The following ZNF536 variants were observed in gnomAD, a reference collection of about 807,000 sequenced individuals.
The protein encoded by ZNF536 is zinc finger protein 536.
ZNF536 carries 13 observed loss-of-function variants against 84.5 expected under a neutral mutation model. The observed-to-expected ratio is 0.15, with a 90% CI of 0.10 to 0.24. The LOEUF is 0.24. Among genes scored for constraint, ZNF536 ranks in the 10% least tolerant of loss-of-function variants. The probability of loss-of-function intolerance (pLI) is 1.00; values close to 1 mark genes in which losing one functional copy is unlikely to be tolerated. For synonymous variants in ZNF536, 811 were observed against 742.5 expected (o/e 1.09, Z -1.50); for missense variants, 1,536 against 1,747.5 (o/e 0.88, Z 2.16).
At position 30,443,586 on chromosome 19, in the gene ZNF536, T is replaced by C. The variant is rs780203865; in HGVS notation, c.24T>C (p.Leu8=). The C allele has an allele frequency of 3.2e-6, 5 of 1,570,676 alleles. No homozygotes were observed. The East Asian group carries it at 6.7e-5, about 21-fold the overall frequency. Residue 8 remains leucine (L), a synonymous_variant, in exon 2 of 5, where the codon CTT becomes CTC. Transcript: ENST00000355537. MEEASLC[L]GVSSAEPEAE... ...GGATGGAAGAAGCGAGCCTGTGCCT[T>C]GGAGTGTCTTCGGCGGAGCCGGAAG...
chr19:30,689,017 C>T (rs2098250927), intron 1 of ZNF536, among the ~76,000 whole-genome samples: 1 of 152,242 alleles, frequency 6.6e-6, no homozygotes, highest in Non-Finnish European at 1.5e-5. Flanking sequence ...CTCTGCTCCA[C>T]ATTCTGTGCT....
chr19:30,385,770 C>T (rs553463155), intron 1 of ZNF536, among the ~76,000 whole-genome samples: 49 of 152,290 alleles, frequency 3.2e-4, no homozygotes, highest in Admixed American at 9.8e-4. Flanking sequence ...GGTGCAACTC[C>T]GCCTCCATCA....
At chr19:30,683,127 T>G (rs2051040432) in intron 1 of ZNF536, among the ~76,000 whole-genome samples, 1 of 152,112 alleles carries the variant, frequency 6.6e-6, no homozygotes, top group Non-Finnish European at 1.5e-5. Flanking sequence ...GCGCCGTGCC[T>G]CCGGCTGCCC....
intron 2 of ZNF536, among the ~76,000 whole-genome samples, chr19:30,503,839 G>A (rs1364248691): frequency 6.6e-6 from 1 of 151,630 alleles, no homozygotes; most frequent in Non-Finnish European, 1.5e-5. Flanking sequence ...TGGGTAGTGG[G>A]ATTTTGGGTA....
intron 1 of ZNF536, among the ~76,000 whole-genome samples, chr19:30,440,415 G>T (rs2051982380): frequency 6.6e-6 from 1 of 152,148 alleles, no homozygotes; most frequent in African/African-American, 2.4e-5. Context: ...CTCTGGACTT[G>T]TGCAAAGGCC....
At chr19:30,332,705 A>C (rs961627501) in intron 2 of ZNF536, among the ~76,000 whole-genome samples, 6 of 152,162 alleles carry the variant, frequency 3.9e-5, no homozygotes, top group Non-Finnish European at 8.8e-5. Flanking sequence ...CTTAAAGCCT[A>C]TGTGGGAAAG....
intron 1 of ZNF536, among the ~76,000 whole-genome samples, chr19:30,433,330 C>T (rs972625223): frequency 4.6e-5 from 7 of 152,212 alleles, no homozygotes; most frequent in African/African-American, 1.7e-4. Context: ...CATCTTCCCC[C>T]CACTTCCCCA....
chr19:30,684,836 C>T (rs1382396630), intron 1 of ZNF536, among the ~76,000 whole-genome samples: 12 of 152,166 alleles, frequency 7.9e-5, no homozygotes, highest in African/African-American at 2.9e-4. Context: ...TGATCCCGGG[C>T]TGAACAGCCA....
chr19:30,490,275 C>T (rs1214847815), intron 2 of ZNF536, among the ~76,000 whole-genome samples: 5 of 152,104 alleles, frequency 3.3e-5, no homozygotes, highest in Non-Finnish European at 7.3e-5. Flanking sequence ...TGAGATGACT[C>T]CCTGTGGCTA....
intron 1 of ZNF536, among the ~76,000 whole-genome samples, chr19:30,435,518 T>C (rs1278550756): frequency 6.6e-6 from 1 of 151,560 alleles, no homozygotes; most frequent in Non-Finnish European, 1.5e-5. Context: ...ATCATTATGG[T>C]GATGATGATG....
intron 1 of ZNF536, among the ~76,000 whole-genome samples, chr19:30,620,814 G>T (rs1489585924): frequency 6.6e-6 from 1 of 152,034 alleles, no homozygotes; most frequent in African/African-American, 2.4e-5. Context: ...CTGTGTCCAT[G>T]CAGAACTTTA....
intron 1 of ZNF536, among the ~76,000 whole-genome samples, chr19:30,379,710 G>A (rs1293871378): frequency 6.6e-6 from 1 of 151,756 alleles, no homozygotes; most frequent in Non-Finnish European, 1.5e-5. Context: ...GGTGCAGGGT[G>A]GATGAAGGGA....
chr19:30,436,341 C>T (rs1206790947), intron 1 of ZNF536: 13 of 196,070 alleles, frequency 6.6e-5, no homozygotes, highest in African/African-American at 3.1e-4. Flanking sequence ...GAACAGGTCA[C>T]CCGCGCTGCC....
intron 1 of ZNF536, among the ~76,000 whole-genome samples, chr19:30,640,373 G>A (rs2049226636): frequency 1.3e-5 from 2 of 152,110 alleles, no homozygotes; most frequent in African/African-American, 2.4e-5. Flanking sequence ...ATAGCCAGAA[G>A]TAGAAGTAAA....
In ZNF536 at chr19:30,391,898, A is replaced by C. The variant is rs190459706; in HGVS notation, c.-3+19342A>C. ...ACCTTAAACCTTGTAATTGTGCCCC[A>C]GGACAAATCAGTACTAATTTAGCTA... is the stretch of plus-strand genomic sequence containing the variant. On this transcript the variant is annotated intron_variant, in intron 1 of 4. Transcript: ENST00000355537. 4.5e-3 allele frequency among the ~76,000 whole-genome samples: 684 copies of C among 152,304 alleles called. 7 individuals are homozygous for C. Among genetic ancestry groups the C allele is most frequent in the African/African-American group, 0.016 (663 of 41,552 alleles).
chr19:30,547,284 A>T (rs1384998070), intron 3 of ZNF536, among the ~76,000 whole-genome samples: 1 of 152,208 alleles, frequency 6.6e-6, no homozygotes, highest in Non-Finnish European at 1.5e-5. Flanking sequence ...ATCATAATGC[A>T]CTGTAATGGT....
intron 3 of ZNF536, among the ~76,000 whole-genome samples, chr19:30,542,682 C>A (rs1319179068): frequency 6.6e-6 from 1 of 152,226 alleles, no homozygotes; most frequent in Non-Finnish European, 1.5e-5. Context: ...CTGCACATTT[C>A]ACAATGACTG....
rs1393162803 is a variant in ZNF536 at position 30,228,560 on chromosome 19, G to A, written c.-303G>A. The A allele has an allele frequency of 2.0e-5, 3 of 151,922 alleles. No homozygotes were observed. The highest frequency in any genetic ancestry group is 4.8e-5 in the African/African-American group (2 of 41,328). 9.4% of individuals were successfully genotyped at this position (151,922 alleles called of 1,614,324 possible). ...GATCCATCCCGCGCCTCCCAGTCCGGAGTCCATTTGCATAATTGGATTTTT... is the reference window on the plus strand; with the variant it reads ...GATCCATCCCGCGCCTCCCAGTCCGAAGTCCATTTGCATAATTGGATTTTT... On this transcript the variant is annotated 5_prime_UTR_variant, in exon 1 of 6. Coordinates refer to the ZNF536 transcript ENST00000585628. This position sits in a 1 kb window ranked among gnomAD's most constrained non-coding sequence, Gnocchi z 4.5.
chr19:30,471,028 C>T (rs2053613481), intron 2 of ZNF536, among the ~76,000 whole-genome samples: 1 of 151,192 alleles, frequency 6.6e-6, no homozygotes, highest in Non-Finnish European at 1.5e-5. Flanking sequence ...GCTATGTTGC[C>T]CAGGCTTATC....
Sources: allele counts gnomAD v4.1 joint callset (sites outside exome capture counted in the v4.1 genomes callset), GRCh38; gene constraint gnomAD v4.1.1; non-coding constraint Gnocchi (gnomAD v3.1); transcripts MANE v1.5; gene names NCBI Gene and HGNC (gene_info 2026-07-23, HGNC 2026-07-21).